The following SMARCA2 variants were observed in gnomAD, a reference collection of about 807,000 sequenced individuals.
The protein encoded by SMARCA2 is SWI/SNF related BAF chromatin remodeling complex subunit ATPase 2.
Under a neutral mutation model 199.8 loss-of-function variants are expected in SMARCA2, and 61 were observed. That is an observed-to-expected ratio of 0.31 (90% CI 0.25 to 0.38). The LOEUF (loss-of-function observed/expected upper bound fraction) is 0.38. Among genes scored for constraint, SMARCA2 ranks in the 10% least tolerant of loss-of-function variants. SMARCA2 has a pLI of 1.00. For synonymous variants in SMARCA2, 935 were observed against 732.0 expected, an observed-to-expected ratio of 1.28 and a Z score of -4.48; for missense variants, 1,344 against 2,012.2, an observed-to-expected ratio of 0.67 and a Z score of 6.35.
At chr9:2,154,524 T>C (rs1346970297) in intron 27 of SMARCA2, among the ~76,000 whole-genome samples, 1 of 152,198 alleles carries the variant, frequency 6.6e-6, no homozygotes, top group Non-Finnish European at 1.5e-5. Context: ...TCTTATTAAT[T>C]TGATGTTCTT....
chr9:2,152,968 G>A (rs901930076), intron 27 of SMARCA2, among the ~76,000 whole-genome samples: 10 of 152,268 alleles, frequency 6.6e-5, no homozygotes, highest in African/African-American at 2.4e-4. Context: ...AGGGAAATTG[G>A]TGAAGGTGAA....
Position 2,170,735 on chromosome 9 carries a change from C to T in SMARCA2, c.4253+263C>T, listed in dbSNP as rs772212503. On this transcript the variant is annotated intron_variant, in intron 29 of 33. Transcript: ENST00000349721. This position sits in a 1 kb window ranked among gnomAD's most constrained non-coding sequence, Gnocchi z 4.7. ...GGGTATTGGGAGCTCCTGGAAAGCC[C>T]GCCCTAACTGCAGCATCTTGGAGAT... is the stretch of plus-strand genomic sequence containing the variant. Among the ~76,000 whole-genome samples, 20 of 152,166 alleles carry T rather than the reference C, an allele frequency of 1.3e-4. No homozygotes were observed. Among genetic ancestry groups the T allele is most frequent in the African/African-American group, 1.7e-4 (7 of 41,438 alleles).
chr9:2,096,897 A>G, intron 20 of SMARCA2, 133 bp downstream of exon 20: 3 of 657,490 alleles, frequency 4.6e-6, no homozygotes, highest in Admixed American at 4.7e-5. Context: ...CCTTTGAGCT[A>G]TTATAGCTGC....
intron 6 of SMARCA2, among the ~76,000 whole-genome samples, chr9:2,055,071 G>A (rs1586654027): frequency 6.6e-6 from 1 of 152,236 alleles, no homozygotes; most frequent in South Asian, 2.1e-4. Flanking sequence ...CCAGAAGGTA[G>A]TGGATTGGAG....
chr9:2,043,886 A>C (rs907065106), intron 4 of SMARCA2: 2 of 152,362 alleles, frequency 1.3e-5, no homozygotes, highest in South Asian at 4.1e-4. Context: ...TAAAATGAGG[A>C]CTGAAGGGAA....
chr9:2,158,936 T>A, intron 27 of SMARCA2: 1 of 1,611,554 alleles, frequency 6.2e-7, no homozygotes, highest in Non-Finnish European at 8.5e-7. Context: ...GTTTTGTAGC[T>A]CTCTGCATTC....
rs1486656522 is a variant in SMARCA2, at chr9:2,104,217, AG to A, written c.3292+51del. 6.5e-7 allele frequency: 1 copy of A among 1,538,066 alleles called. No homozygotes were observed. The highest frequency in any genetic ancestry group is 8.9e-7 in the Non-Finnish European group (1 of 1,119,406). On this transcript the variant is annotated intron_variant, in intron 23 of 33. Coordinates refer to ENST00000349721, the MANE Select transcript of SMARCA2 (RefSeq NM_003070.5). This position sits in a 1 kb window ranked among gnomAD's most constrained non-coding sequence, Gnocchi z 4.0. ...TCGGAAGCCATACTACTGAAAATGAAGGGATAATGGGCACTTAGGTCCAATC... is the reference window on the plus strand; with the variant it reads ...TCGGAAGCCATACTACTGAAAATGAAGGATAATGGGCACTTAGGTCCAATC...
chr9:2,161,594 A>C lies in SMARCA2; in HGVS notation c.3982-92A>C. 1.2e-6 allele frequency: 1 copy of C among 819,300 alleles called. No homozygotes were observed. Among genetic ancestry groups the C allele is most frequent in the Non-Finnish European group, 1.9e-6 (1 of 514,588 alleles). 50.8% of individuals were successfully genotyped at this position (819,300 alleles called of 1,614,324 possible). ...TGGTTAATTTCTTTCATTTTATTCT[A>C]ATTGTTGGAGCTATATATAAATATA... On this transcript the variant is annotated intron_variant, in intron 27 of 33. Coordinates refer to ENST00000349721, the MANE Select transcript of SMARCA2 (RefSeq NM_003070.5). This position sits in a 1 kb window ranked among gnomAD's most constrained non-coding sequence, Gnocchi z 4.7.
At chr9:2,047,698 C>T (rs558722426) in intron 5 of SMARCA2, 4 of 367,710 alleles carry the variant, frequency 1.1e-5, no homozygotes, top group Non-Finnish European at 1.4e-5. Context: ...CCTGTGGACC[C>T]GAGAGAGTGA....
intron 27 of SMARCA2, among the ~76,000 whole-genome samples, chr9:2,130,320 G>C (rs1184534800): frequency 1.3e-5 from 2 of 152,182 alleles, no homozygotes; most frequent in African/African-American, 4.8e-5. Context: ...GTGGCTTCTT[G>C]TGCCATTCTG....
chr9:2,170,610 T>C lies in SMARCA2; in HGVS notation c.4253+138T>C. 7.2e-7 allele frequency: 1 copy of C among 1,387,504 alleles called. No homozygotes were observed. Among genetic ancestry groups the C allele is most frequent in the Non-Finnish European group, 1.0e-6 (1 of 1,004,212 alleles). 85.9% of individuals were successfully genotyped at this position (1,387,504 alleles called of 1,614,324 possible). On this transcript the variant is annotated intron_variant, in intron 29 of 33. Coordinates refer to ENST00000349721, the MANE Select transcript of SMARCA2 (RefSeq NM_003070.5). The surrounding 1 kb of genome is among the most constrained non-coding windows in gnomAD (Gnocchi z 4.7). ...GATCACCCCTACTTGGAGAGCGGGA[T>C]AGAGGCACAGATACTCTTAAACAGC...
rs1586766937 is a variant in SMARCA2 at position 2,157,781 on chromosome 9, T to C, written c.3982-3905T>C. 2.0e-5 allele frequency: 8 copies of C among 397,180 alleles called. No homozygotes were observed. The East Asian group carries it at 2.5e-4, about 12-fold the overall frequency. The allele number at this position is 397,180 out of a possible 1,614,324, so 24.6% of individuals were successfully genotyped here. ...TCATAATCATGGATCCCCTCTGCTT[T>C]GTGATACTGTGAACCACGCATAACA... is the stretch of plus-strand genomic sequence containing the variant. On this transcript the variant is annotated intron_variant, in intron 27 of 33. Coordinates refer to ENST00000349721, the MANE Select transcript of SMARCA2 (RefSeq NM_003070.5).
Position 2,104,047 on chromosome 9 carries a change from G to A in SMARCA2, c.3170G>A (p.Arg1057His), listed in dbSNP as rs779591664. 5.0e-6 allele frequency: 8 copies of A among 1,614,062 alleles called. No individual in the cohort carries two copies. The highest frequency in any genetic ancestry group is 1.7e-5 in the Admixed American group (1 of 60,018). The change falls in exon 23 of 34, where the codon CGT becomes CAT. Residue 1057 changes from arginine to histidine, a missense_variant. This residue lies in a region of SMARCA2 where 98 missense variants were observed against 245.6 expected (regional missense o/e 0.40). Transcript: ENST00000349721. The surrounding 1 kb of genome is among the most constrained non-coding windows in gnomAD (Gnocchi z 4.0). ...TCAGGGAAGTTTGAGCTGCTTGATC[G>A]TATTCTGCCAAAATTGAGAGCGACT... The part of the protein sequence containing the change: ...RASGKFELLD[R>H]ILPKLRATNH...
rs62534896 is a variant in SMARCA2 at position 2,110,399 on chromosome 9, C to T, written c.3438C>T (p.Ser1146=). The T allele has an allele frequency of 8.1e-4, 1,296 of 1,609,926 alleles. 4 individuals are homozygous for T. The highest frequency in any genetic ancestry group is 1.5e-3 in the Middle Eastern group (9 of 5,998). The change falls in exon 24 of 34, where the codon AGC becomes AGT. Residue 1146 remains serine (S), a synonymous_variant. Coordinates refer to ENST00000349721, the MANE Select transcript of SMARCA2 (RefSeq NM_003070.5). This position sits in a 1 kb window ranked among gnomAD's most constrained non-coding sequence, Gnocchi z 4.8. ...CTGATACAGTGGTCATCTTTGACAG[C>T]GACTGGAATCCTCATCAGGTCTGCA... ...QAADTVVIFD[S]DWNPHQDLQA...
intron 27 of SMARCA2, among the ~76,000 whole-genome samples, chr9:2,151,623 A>T (rs111641201): frequency 2.6e-5 from 4 of 152,128 alleles, no homozygotes; most frequent in Admixed American, 1.3e-4. Flanking sequence ...AATCCCAGCT[A>T]TTGGGAGGCT....
chr9:2,096,569 T>A (rs1822283105), intron 19 of SMARCA2, 88 bp from the exon 20 acceptor site: 2 of 808,472 alleles, frequency 2.5e-6, no homozygotes, highest in Non-Finnish European at 4.3e-6. Context: ...CCTTTGTGCT[T>A]CCAGGAGTGA....
chr9:2,167,937 C>A (rs566898153), intron 28 of SMARCA2, among the ~76,000 whole-genome samples: 5 of 152,062 alleles, frequency 3.3e-5, no homozygotes, highest in South Asian at 4.2e-4. Flanking sequence ...GTATGAGCCC[C>A]ATTATCTGAG....
intron 29 of SMARCA2, among the ~76,000 whole-genome samples, chr9:2,172,123 T>C (rs1336393838): frequency 6.6e-6 from 1 of 152,192 alleles, no homozygotes; most frequent in African/African-American, 2.4e-5. Flanking sequence ...AAGCCTGAGC[T>C]GACAACATGG....
chr9:2,183,991 G>T (rs962016719), intron 31 of SMARCA2, among the ~76,000 whole-genome samples: 2 of 152,090 alleles, frequency 1.3e-5, no homozygotes, highest in East Asian at 3.9e-4. Flanking sequence ...CTCTTGACTG[G>T]TTTCTCCCCC....
Sources: gnomAD v4.1 joint callset for allele counts (sites outside exome capture counted in the v4.1 genomes callset) on GRCh38, gnomAD v4.1.1 for gene constraint, gnomAD v4.1.1 regional missense constraint, Gnocchi (gnomAD v3.1) non-coding constraint, MANE v1.5 for transcripts, NCBI Gene and HGNC (gene_info 2026-07-23, HGNC 2026-07-21) for gene names.